The following MGST1 variants were observed in gnomAD, a reference collection of about 807,000 sequenced individuals.
MGST1 encodes the protein microsomal glutathione S-transferase 1.
MGST1 carries 5 observed loss-of-function variants against 8.9 expected under a neutral mutation model. That is an observed-to-expected ratio of 0.56 (90% CI 0.29 to 1.19). The LOEUF (loss-of-function observed/expected upper bound fraction) is 1.19, where lower values mean the gene tolerates loss of function less well. Ranked by LOEUF, MGST1 falls within the 50% of genes most tolerant of loss-of-function variation. The pLI is 0.08. For missense variants in MGST1, 182 were observed against 187.4 expected (o/e 0.97, Z 0.17); for synonymous variants, 54 against 67.8 (o/e 0.80, Z 1.00).
chr12:16,401,928 C>A lies in MGST1; in HGVS notation n.778+18324C>A. The A allele has an allele frequency of 1.2e-6, 2 of 1,609,464 alleles. No homozygotes were observed. Among genetic ancestry groups the A allele is most frequent in the Non-Finnish European group, 1.7e-6 (2 of 1,175,736 alleles). ...AGCGACTGTATATGCCACAACTGCA[C>A]TGATATCTATTTTGTCAAAGCCTTC... On this transcript the variant is annotated intron_variant and non_coding_transcript_variant, in intron 1 of 1. Coordinates refer to the MGST1 transcript ENST00000359720. The surrounding 1 kb of genome is among the most constrained non-coding windows in gnomAD (Gnocchi z 4.3).
Position 16,410,494 on chromosome 12 carries a change from A to C in MGST1, n.778+26890A>C, listed in dbSNP as rs1187522026. Among the ~76,000 whole-genome samples the C allele has an allele frequency of 6.6e-6, 1 of 151,660 alleles. No homozygotes were observed. The highest frequency in any genetic ancestry group is 1.5e-5 in the Non-Finnish European group (1 of 67,920). Reference sequence around the variant, plus strand: ...TATAGACGCTAGTCAGATTTGTAAAAGCATATATGTTGGTATATATTGCAT... The same window carrying C: ...TATAGACGCTAGTCAGATTTGTAAACGCATATATGTTGGTATATATTGCAT... On this transcript the variant is annotated intron_variant and non_coding_transcript_variant, in intron 1 of 1. Transcript: ENST00000359720. This position sits in a 1 kb window ranked among gnomAD's most constrained non-coding sequence, Gnocchi z 4.4.
chr12:16,471,757 T>C (rs1288928362), intron 4 of MGST1, among the ~76,000 whole-genome samples: 1 of 152,192 alleles, frequency 6.6e-6, no homozygotes, highest in Non-Finnish European at 1.5e-5. Flanking sequence ...ATTAATAGGT[T>C]GGCCAGAATG....
chr12:16,556,715 A>G (rs1942205601), intron 4 of MGST1, among the ~76,000 whole-genome samples: 2 of 152,214 alleles, frequency 1.3e-5, no homozygotes, highest in African/African-American at 4.8e-5. Flanking sequence ...AGCAAACTTC[A>G]GAGTAAAAGG....
rs753559713 is a variant in MGST1, at chr12:16,401,606, A to G, written n.778+18002A>G. ...ACTCGAAGCGAATACCCATGGCACAAGTGATAGCCCCAAAATACATGTGAT... is the reference window on the plus strand; with the variant it reads ...ACTCGAAGCGAATACCCATGGCACAGGTGATAGCCCCAAAATACATGTGAT... On this transcript the variant is annotated intron_variant and non_coding_transcript_variant, in intron 1 of 1. Transcript: ENST00000359720. The surrounding 1 kb of genome is among the most constrained non-coding windows in gnomAD (Gnocchi z 4.3). The G allele has an allele frequency of 7.9e-6, 12 of 1,520,312 alleles. No homozygotes were observed. The highest frequency in any genetic ancestry group is 1.1e-5 in the Non-Finnish European group (12 of 1,094,638). 94.2% of individuals were successfully genotyped at this position (1,520,312 alleles called of 1,614,324 possible).
At chr12:16,533,116 A>G (rs1941732301) in intron 4 of MGST1, among the ~76,000 whole-genome samples, 1 of 152,178 alleles carries the variant, frequency 6.6e-6, no homozygotes, top group Non-Finnish European at 1.5e-5. Context: ...GTATTTAAAG[A>G]GTCAGTCTGA....
intron 4 of MGST1, among the ~76,000 whole-genome samples, chr12:16,449,994 A>T (rs1009759478): frequency 6.6e-6 from 1 of 151,928 alleles, no homozygotes; most frequent in African/African-American, 2.4e-5. Context: ...AAATAATTTA[A>T]CAGTAATGCA....
chr12:16,471,125 A>G (rs1292428861), intron 4 of MGST1, among the ~76,000 whole-genome samples: 1 of 152,192 alleles, frequency 6.6e-6, no homozygotes, highest in African/African-American at 2.4e-5. Flanking sequence ...TTAAATAACC[A>G]TTTATCGCCG....
At chr12:16,471,794 G>A (rs1941290791) in intron 4 of MGST1, among the ~76,000 whole-genome samples, 1 of 152,064 alleles carries the variant, frequency 6.6e-6, no homozygotes, top group African/African-American at 2.4e-5. Context: ...TATCTTCCTT[G>A]ACATCTCACC....
chr12:16,553,005 A>C (rs1942048882), intron 4 of MGST1, among the ~76,000 whole-genome samples: 1 of 152,124 alleles, frequency 6.6e-6, no homozygotes. Flanking sequence ...ACATCAGTCG[A>C]CTTTGTAGGC....
intron 4 of MGST1, among the ~76,000 whole-genome samples, chr12:16,530,725 A>G (rs1397634779): frequency 1.3e-5 from 2 of 152,208 alleles, no homozygotes; most frequent in South Asian, 2.1e-4. Context: ...GTAACTCTCC[A>G]TCATGGGCCA....
At chr12:16,444,396 A>G (rs1318239013) in intron 4 of MGST1, among the ~76,000 whole-genome samples, 1 of 151,818 alleles carries the variant, frequency 6.6e-6, no homozygotes, top group Non-Finnish European at 1.5e-5. Context: ...GCCACTGCTC[A>G]TGAATTCATT....
intron 1 of MGST1, among the ~76,000 whole-genome samples, chr12:16,412,107 G>A (rs1339862376): frequency 2.0e-5 from 3 of 152,156 alleles, no homozygotes; most frequent in Non-Finnish European, 4.4e-5. Context: ...TACACTTGCA[G>A]TGTGGACATT....
At chr12:16,399,694 G>T in intron 1 of MGST1, 1 of 1,347,364 alleles carries the variant, frequency 7.4e-7, no homozygotes, top group South Asian at 1.2e-5. Context: ...AAGCCCTCAG[G>T]GTCATCAACA....
chr12:16,400,145 C>T (rs1940641866), intron 1 of MGST1: 5 of 1,395,058 alleles, frequency 3.6e-6, no homozygotes, highest in Non-Finnish European at 5.1e-6. Context: ...GCATAGAGGT[C>T]ATCTCGGTCA....
chr12:16,519,685 TAAC>T (rs1414999311), intron 4 of MGST1, among the ~76,000 whole-genome samples: 2 of 152,318 alleles, frequency 1.3e-5, no homozygotes, highest in East Asian at 3.9e-4. Flanking sequence ...TCTGTCTTCA[TAAC>T]TCCACCTTTC....
intron 4 of MGST1, among the ~76,000 whole-genome samples, chr12:16,561,974 T>TA (rs1240124879): frequency 1.3e-5 from 2 of 152,202 alleles, no homozygotes; most frequent in Non-Finnish European, 2.9e-5. Context: ...TTATTTTCCT[T>TA]AATGAATTAA....
intron 4 of MGST1, among the ~76,000 whole-genome samples, chr12:16,522,627 C>T (rs1257312431): frequency 1.3e-5 from 2 of 152,070 alleles, no homozygotes; most frequent in Non-Finnish European, 2.9e-5. Context: ...TGTGCGAACA[C>T]CTTATCTCAG....
chr12:16,376,108 T>C, intron 3 of MGST1: 1 of 1,321,594 alleles, frequency 7.6e-7, no homozygotes, highest in Non-Finnish European at 1.0e-6. Flanking sequence ...TCTTATTTTT[T>C]TTTAATTGTT....
intron 3 of MGST1, among the ~76,000 whole-genome samples, chr12:16,374,412 C>CTGATT (rs1362446138): frequency 1.3e-5 from 2 of 152,014 alleles, no homozygotes; most frequent in African/African-American, 2.4e-5. Context: ...CCACCAGGAG[C>CTGATT]ATCACAGTGT....
Sources: gnomAD v4.1 joint callset for allele counts (sites outside exome capture counted in the v4.1 genomes callset) on GRCh38, gnomAD v4.1.1 for gene constraint, Gnocchi (gnomAD v3.1) non-coding constraint, MANE v1.5 for transcripts, NCBI Gene and HGNC (gene_info 2026-07-23, HGNC 2026-07-21) for gene names.